Variants in SLC19A3 observed in about 807,000 individuals in gnomAD.
The protein encoded by SLC19A3 is thiamine transporter 2.
Under a neutral mutation model 40.2 loss-of-function variants are expected in SLC19A3, and 31 were observed. The observed-to-expected ratio is 0.77, with a 90% CI of 0.58 to 1.04. The LOEUF (loss-of-function observed/expected upper bound fraction) is 1.04. SLC19A3 is among the 50% of genes least tolerant of loss of function. The pLI is 0.00. For synonymous variants in SLC19A3, 212 were observed against 227.5 expected, an observed-to-expected ratio of 0.93 and a Z score of 0.61; for missense variants, 592 against 596.7, an observed-to-expected ratio of 0.99 and a Z score of 0.08.
At chr2:227,702,476 C>T (rs1335163235) in intron 1 of SLC19A3, 156 bp from the exon 2 acceptor site, 3 of 695,302 alleles carry the variant, frequency 4.3e-6, no homozygotes, top group Non-Finnish European at 7.2e-6. Flanking sequence ...CCATTGCAAC[C>T]TGTGCCTCCC....
At chr2:227,697,174 T>C (rs998730366) in intron 3 of SLC19A3, among the ~76,000 whole-genome samples, 2 of 151,046 alleles carry the variant, frequency 1.3e-5, no homozygotes, top group Non-Finnish European at 2.9e-5. Flanking sequence ...ATAACTATTT[T>C]TCCCCCCATG....
intron 1 of SLC19A3, among the ~76,000 whole-genome samples, chr2:227,708,559 A>G (rs1052462338): frequency 1.5e-5 from 1 of 66,988 alleles, no homozygotes; most frequent in Non-Finnish European, 3.6e-5. Context: ...CCCTGTCTCT[A>G]TCAAACAAAC....
intron 5 of SLC19A3, 147 bp from the exon 6 acceptor site, chr2:227,687,720 C>T (rs1695072055): frequency 4.0e-6 from 3 of 744,786 alleles, no homozygotes; most frequent in South Asian, 3.4e-5. Context: ...ACAATACTCT[C>T]CTATCAAGTA....
chr2:227,705,344 T>A (rs1341429998), intron 1 of SLC19A3, among the ~76,000 whole-genome samples: 2 of 151,392 alleles, frequency 1.3e-5, no homozygotes, highest in Non-Finnish European at 2.9e-5. Flanking sequence ...ATCATGCCTG[T>A]CATCTCAACA....
intron 2 of SLC19A3, chr2:227,700,785 T>C (rs546004602): frequency 2.8e-5 from 16 of 581,464 alleles, no homozygotes; most frequent in Non-Finnish European, 3.9e-5. Flanking sequence ...CTCAATTTAA[T>C]ATGGATCATC....
chr2:227,708,006 CAT>C (rs1696009821), intron 1 of SLC19A3, among the ~76,000 whole-genome samples: 1 of 152,148 alleles, frequency 6.6e-6, no homozygotes, highest in Non-Finnish European at 1.5e-5. Flanking sequence ...CAGGATTACA[CAT>C]GTGAGCCACC....
At position 227,699,013 on chromosome 2, in the gene SLC19A3, TG is replaced by T; in HGVS notation, c.701del (p.Thr234AsnfsTer11). 6.2e-7 allele frequency: 1 copy of T among 1,614,268 alleles called. No homozygotes were observed. The highest frequency in any genetic ancestry group is 8.5e-7 in the Non-Finnish European group (1 of 1,180,048). Reference sequence around the variant, plus strand: ...TCCCTGAAGTGCTGAGTATTTCTGATGTGGGTTTCTGCTCTTCACAGCCTGG... The same window carrying T: ...TCCCTGAAGTGCTGAGTATTTCTGATTGGGTTTCTGCTCTTCACAGCCTGG... ...EAPGCEEQKP[T>X]SEILSTSGKL... On this transcript the variant is annotated frameshift_variant, in exon 3 of 6. Coordinates refer to ENST00000644224, the MANE Select transcript of SLC19A3 (RefSeq NM_025243.4). LOFTEE classifies it high-confidence loss of function.
chr2:227,703,102 T>A lies in SLC19A3; in HGVS notation c.-2-782A>T, dbSNP rs1046785776. 6.6e-6 allele frequency: 1 copy of A among 152,220 alleles called. No individual in the cohort carries two copies. The highest frequency in any genetic ancestry group is 6.5e-5 in the Admixed American group (1 of 15,272). The allele number at this position is 152,220 out of a possible 1,614,324, so 9.4% of individuals were successfully genotyped here. A position where few individuals can be genotyped will look rare whatever the true frequency, so the allele number is the denominator to read the frequency against. ...CAGGAATCTTTCACCCACTCCACTCTCCCTCATTCTGGAGGCCCCCTCAGC... is the reference window on the plus strand; with the variant it reads ...CAGGAATCTTTCACCCACTCCACTCACCCTCATTCTGGAGGCCCCCTCAGC... On this transcript the variant is annotated intron_variant, in intron 1 of 5. Coordinates refer to ENST00000644224, the MANE Select transcript of SLC19A3 (RefSeq NM_025243.4). This position sits in a 1 kb window ranked among gnomAD's most constrained non-coding sequence, Gnocchi z 4.7.
At chr2:227,709,562 A>C (rs1458159785) in intron 1 of SLC19A3, among the ~76,000 whole-genome samples, 1 of 152,092 alleles carries the variant, frequency 6.6e-6, no homozygotes, top group Non-Finnish European at 1.5e-5. Flanking sequence ...TTTCTAGCTA[A>C]GGTAAAGCCT....
At position 227,698,761 on chromosome 2, in the gene SLC19A3, G is replaced by A. The variant is rs1695544304; in HGVS notation, c.954C>T (p.Ala318=). 5.0e-6 allele frequency: 8 copies of A among 1,613,810 alleles called. No homozygotes were observed. The highest frequency in any genetic ancestry group is 5.9e-6 in the Non-Finnish European group (7 of 1,179,974). The change falls in exon 3 of 6, where the codon GCC becomes GCT. Residue 318 remains alanine (A), a synonymous_variant. Transcript: ENST00000644224. The part of the protein sequence containing the change: ...PSQDSSIYNG[A]VEAIATFGGA... Reference sequence around the variant, plus strand: ...CTCCAAAGGTTGCAATAGCTTCTACGGCCCCATTATAGATGGAAGAATCTT... The same window carrying A: ...CTCCAAAGGTTGCAATAGCTTCTACAGCCCCATTATAGATGGAAGAATCTT...
At chr2:227,700,498 A>G (rs1007525156) in intron 2 of SLC19A3, among the ~76,000 whole-genome samples, 31 of 152,196 alleles carry the variant, frequency 2.0e-4, no homozygotes, top group African/African-American at 7.0e-4. Context: ...AGACTGTGCC[A>G]CTGTACTCCA....
At chr2:227,692,300 C>A (rs781765862) in intron 4 of SLC19A3, among the ~76,000 whole-genome samples, 2 of 152,116 alleles carry the variant, frequency 1.3e-5, no homozygotes, top group Admixed American at 6.6e-5. Context: ...TGCAAAAATT[C>A]TCAACAAAAT....
rs573958395 is a variant in SLC19A3 at position 227,695,948 on chromosome 2, C to T, written c.1113G>A (p.Ala371=). Residue 371 remains alanine, a synonymous_variant, in exon 4 of 6, where the codon GCG becomes GCA. Coordinates refer to ENST00000644224, the MANE Select transcript of SLC19A3 (RefSeq NM_025243.4). ...TGAATATCAAATAGCCAGCATAGCA[C>T]GCCCAGATATTGGCTGTGTAATGCA... The part of the protein sequence containing the change: ...FLMHYTANIW[A]CYAGYLIFKS... 1.4e-5 allele frequency: 22 copies of T among 1,613,970 alleles called. No individual in the cohort carries two copies. Among genetic ancestry groups the T allele is most frequent in the East Asian group, 8.9e-5 (4 of 44,890 alleles).
intron 1 of SLC19A3, among the ~76,000 whole-genome samples, chr2:227,707,531 T>A (rs1695990602): frequency 6.6e-6 from 1 of 151,902 alleles, no homozygotes; most frequent in Non-Finnish European, 1.5e-5. Context: ...TGCAATGAGC[T>A]GAGATGGTGC....
intron 1 of SLC19A3, chr2:227,714,667 C>A: frequency 1.1e-6 from 1 of 908,720 alleles, no homozygotes; most frequent in Non-Finnish European, 1.3e-6. Context: ...CTGGGGCCCA[C>A]CCTCTTCTGC....
At chr2:227,709,804 G>A (rs1324038774) in intron 1 of SLC19A3, among the ~76,000 whole-genome samples, 1 of 152,122 alleles carries the variant, frequency 6.6e-6, no homozygotes, top group Non-Finnish European at 1.5e-5. Context: ...CCTCGTCCAT[G>A]TTGTACTGAC....
chr2:227,711,437 T>TAAAAA (rs1478267298), intron 1 of SLC19A3, among the ~76,000 whole-genome samples: 1 of 149,780 alleles, frequency 6.7e-6, no homozygotes, highest in Non-Finnish European at 1.5e-5. Context: ...TAAAATAAAA[T>TAAAAA]AAAATAAAAT....
chr2:227,715,087 T>G (rs1696287639), intron 1 of SLC19A3, among the ~76,000 whole-genome samples: 1 of 152,146 alleles, frequency 6.6e-6, no homozygotes, highest in African/African-American at 2.4e-5. Context: ...CTCAAAGTGC[T>G]GGGATTACAG....
At position 227,683,969 on chromosome 2, in the gene SLC19A3, T is replaced by C. The variant is rs919620034; in HGVS notation, c.*3428A>G. On this transcript the variant is annotated 3_prime_UTR_variant, in exon 6 of 6. Transcript: ENST00000644224. ...GCAAGCCACCATGCCCAGCTAATTTTTGTATTTTTTGTAGAGACAGGGTTT... is the reference window on the plus strand; with the variant it reads ...GCAAGCCACCATGCCCAGCTAATTTCTGTATTTTTTGTAGAGACAGGGTTT... 28 of 149,352 alleles carry C rather than the reference T, an allele frequency of 1.9e-4. No individual in the cohort carries two copies. The highest frequency in any genetic ancestry group is 6.7e-4 in the African/African-American group (26 of 38,698). 9.3% of individuals were successfully genotyped at this position (149,352 alleles called of 1,614,324 possible). A position where few individuals can be genotyped will look rare whatever the true frequency, so the allele number is the denominator to read the frequency against.
Sources: gnomAD v4.1 joint callset for allele counts (sites outside exome capture counted in the v4.1 genomes callset) on GRCh38, gnomAD v4.1.1 for gene constraint, Gnocchi (gnomAD v3.1) non-coding constraint, MANE v1.5 for transcripts, NCBI Gene and HGNC (gene_info 2026-07-23, HGNC 2026-07-21) for gene names.